PTAR1: variants seen among roughly 807,000 people sequenced by gnomAD.
PTAR1 encodes protein prenyltransferase alpha subunit repeat-containing protein 1.
Under a neutral mutation model 45.5 loss-of-function variants are expected in PTAR1, and 17 were observed. The observed-to-expected ratio is 0.37, with a 90% CI of 0.26 to 0.56. The LOEUF is 0.56. Among genes scored for constraint, PTAR1 ranks in the 20% least tolerant of loss-of-function variants. PTAR1 has a pLI of 0.77. For missense variants in PTAR1, 391 were observed against 476.3 expected (o/e 0.82, Z 1.67); for synonymous variants, 169 against 171.3 (o/e 0.99, Z 0.11).
intron 5 of PTAR1, among the ~76,000 whole-genome samples, chr9:69,726,277 A>C (rs965171108): frequency 1.3e-5 from 2 of 152,090 alleles, no homozygotes; most frequent in East Asian, 3.8e-4. Context: ...TTTTAAGAAA[A>C]ATCTGGGATA....
Position 69,718,144 on chromosome 9 carries a change from A to G in PTAR1, c.*198T>C. On this transcript the variant is annotated 3_prime_UTR_variant, in exon 8 of 8. Coordinates refer to ENST00000340434, the MANE Select transcript of PTAR1 (RefSeq NM_001099666.2). ...ACTCGCTGTTCAGCAGGAAGGAACT[A>G]TACGATTATTTTATCCCCACAGGAA... The G allele has an allele frequency of 2.0e-6, 1 of 511,030 alleles. No homozygotes were observed. The highest frequency in any genetic ancestry group is 3.5e-6 in the Non-Finnish European group (1 of 288,668). The allele number at this position is 511,030 out of a possible 1,614,324, so 31.7% of individuals were successfully genotyped here.
intron 1 of PTAR1, chr9:69,758,680 T>G: frequency 2.4e-6 from 1 of 415,268 alleles, no homozygotes. Flanking sequence ...ATCCAACGGC[T>G]TCTTAACTGT....
rs1457059974 is a variant in PTAR1, at chr9:69,712,580, A to G, written c.*5762T>C. 1 of 152,148 alleles carries G rather than the reference A, an allele frequency of 6.6e-6. No individual in the cohort carries two copies. Among genetic ancestry groups the G allele is most frequent in the African/African-American group, 2.4e-5 (1 of 41,448 alleles). The allele number at this position is 152,148 out of a possible 1,614,324, so 9.4% of individuals were successfully genotyped here. ...AGCTAGTTTTATCTTTCTAGCTTTT[A>G]TCAACTCTTGACTTGTTGAATTCCT... is the stretch of plus-strand genomic sequence containing the variant. On this transcript the variant is annotated 3_prime_UTR_variant, in exon 8 of 8. Transcript: ENST00000340434.
At position 69,713,749 on chromosome 9, in the gene PTAR1, C is replaced by T. The variant is rs940038257; in HGVS notation, c.*4593G>A. The T allele has an allele frequency of 6.6e-6, 1 of 152,064 alleles. No homozygotes were observed. Among genetic ancestry groups the T allele is most frequent in the Non-Finnish European group, 1.5e-5 (1 of 67,998 alleles). The allele number at this position is 152,064 out of a possible 1,614,324, so 9.4% of individuals were successfully genotyped here. On this transcript the variant is annotated 3_prime_UTR_variant, in exon 8 of 8. Coordinates refer to ENST00000340434, the MANE Select transcript of PTAR1 (RefSeq NM_001099666.2). Reference sequence around the variant, plus strand: ...CACCATCCTCTAAATGGGATGCCTCCAACCCCCAAAACGTTAGTTGCCAGA... The same window carrying T: ...CACCATCCTCTAAATGGGATGCCTCTAACCCCCAAAACGTTAGTTGCCAGA...
rs1824653084 is a variant in PTAR1 at position 69,714,530 on chromosome 9, G to C, written c.*3812C>G. ...ATTCCTTTTACACACACATACATGTGTGTGTGGCCCAACAAGAATAAACTG... is the reference window on the plus strand; with the variant it reads ...ATTCCTTTTACACACACATACATGTCTGTGTGGCCCAACAAGAATAAACTG... On this transcript the variant is annotated 3_prime_UTR_variant, in exon 8 of 8. Transcript: ENST00000340434. 2.0e-5 allele frequency: 3 copies of C among 152,134 alleles called. No homozygotes were observed. In the South Asian group the frequency reaches 6.2e-4, roughly 32 times the overall value. The allele number at this position is 152,134 out of a possible 1,614,324, so 9.4% of individuals were successfully genotyped here.
At chr9:69,758,871 AAAT>A (rs1046614449) in intron 1 of PTAR1, among the ~76,000 whole-genome samples, 12 of 143,566 alleles carry the variant, frequency 8.4e-5, no homozygotes, top group African/African-American at 1.8e-4. Flanking sequence ...AAAAAAAAAA[AAAT>A]AAACTCCAAA....
chr9:69,731,462 A>G (rs996374882), intron 5 of PTAR1, among the ~76,000 whole-genome samples: 2 of 152,162 alleles, frequency 1.3e-5, no homozygotes, highest in Non-Finnish European at 2.9e-5. Flanking sequence ...ATTCTGATGA[A>G]TAATAAGTGG....
intron 1 of PTAR1, among the ~76,000 whole-genome samples, chr9:69,754,526 A>G (rs999477555): frequency 2.3e-5 from 3 of 128,672 alleles, no homozygotes; most frequent in Non-Finnish European, 4.8e-5. Flanking sequence ...ATGTTTGGGT[A>G]TATATCTTTT....
At chr9:69,739,575 G>A (rs941127583) in intron 3 of PTAR1, among the ~76,000 whole-genome samples, 3 of 152,214 alleles carry the variant, frequency 2.0e-5, no homozygotes, top group African/African-American at 7.2e-5. Flanking sequence ...TTCTTTAGCA[G>A]TTTGAAAAAT....
chr9:69,746,534 G>C (rs933850612), intron 2 of PTAR1, among the ~76,000 whole-genome samples: 2 of 152,048 alleles, frequency 1.3e-5, no homozygotes, highest in African/African-American at 4.8e-5. Context: ...TCAACAATAC[G>C]CCATTTCCTC....
chr9:69,735,837 A>G (rs1825761967), intron 3 of PTAR1, among the ~76,000 whole-genome samples: 1 of 151,762 alleles, frequency 6.6e-6, no homozygotes, highest in South Asian at 2.1e-4. Flanking sequence ...TAAATACCAC[A>G]ATACATTTTC....
intron 4 of PTAR1, among the ~76,000 whole-genome samples, chr9:69,733,618 A>G (rs1287958288): frequency 2.6e-5 from 4 of 152,118 alleles, no homozygotes; most frequent in African/African-American, 4.8e-5. Flanking sequence ...GTATGTATGG[A>G]TTTTAGCAAC....
intron 4 of PTAR1, among the ~76,000 whole-genome samples, chr9:69,733,524 A>G (rs976738002): frequency 1.3e-5 from 2 of 152,164 alleles, no homozygotes. Flanking sequence ...CAAGAGGAAG[A>G]TGGTTCCAGG....
chr9:69,720,448 A>G (rs1588442822), intron 6 of PTAR1, among the ~76,000 whole-genome samples: 1 of 152,188 alleles, frequency 6.6e-6, no homozygotes, highest in East Asian at 1.9e-4. Flanking sequence ...AGATTGGATC[A>G]TGAGGTTTAA....
Position 69,732,119 on chromosome 9 carries a change from G to A in PTAR1, c.642+20C>T. On this transcript the variant is annotated intron_variant, in intron 5 of 7. Coordinates refer to ENST00000340434, the MANE Select transcript of PTAR1 (RefSeq NM_001099666.2). Reference sequence around the variant, plus strand: ...TAAGGGCAGACAGGCAGTCTGCCCAGGAGACAGTAATATTCCTACCTTGAC... The same window carrying A: ...TAAGGGCAGACAGGCAGTCTGCCCAAGAGACAGTAATATTCCTACCTTGAC... 1 of 1,575,658 alleles carries A rather than the reference G, an allele frequency of 6.3e-7. No homozygotes were observed. The highest frequency in any genetic ancestry group is 8.7e-7 in the Non-Finnish European group (1 of 1,147,368).
At chr9:69,751,148 A>AG (rs1384797669) in intron 1 of PTAR1, among the ~76,000 whole-genome samples, 198 bp from the exon 2 acceptor site, 3 of 152,150 alleles carry the variant, frequency 2.0e-5, no homozygotes, top group African/African-American at 7.2e-5. Context: ...CTCTGTAGAC[A>AG]GGAGTGAAAA....
rs997038637 is a variant in PTAR1 at position 69,712,312 on chromosome 9, G to A, written c.*6030C>T. On this transcript the variant is annotated 3_prime_UTR_variant, in exon 8 of 8. Transcript: ENST00000340434. The stretch of plus-strand genomic sequence containing the variant: ...TTTACATAACTATCTGGTTAATTTG[G>A]GCAAATGAGCACTTGTGTTTGGTTT... 1 of 152,032 alleles carries A rather than the reference G, an allele frequency of 6.6e-6. No homozygotes were observed. The highest frequency in any genetic ancestry group is 2.4e-5 in the African/African-American group (1 of 41,406). The allele number at this position is 152,032 out of a possible 1,614,324, so 9.4% of individuals were successfully genotyped here.
intron 4 of PTAR1, among the ~76,000 whole-genome samples, chr9:69,733,066 G>A (rs1175654911): frequency 1.3e-5 from 2 of 150,924 alleles, no homozygotes; most frequent in Non-Finnish European, 2.9e-5. Context: ...AAACCCAAAG[G>A]TACAGGAAAT....
rs1359648892 is a variant in PTAR1, at chr9:69,712,655, C to A, written c.*5687G>T. ...GTGTTGAACATATATGAGGTCTACA[C>A]ATAAAACAAAGGGAAACTGAAGTCT... On this transcript the variant is annotated 3_prime_UTR_variant, in exon 8 of 8. Coordinates refer to ENST00000340434, the MANE Select transcript of PTAR1 (RefSeq NM_001099666.2). 7.9e-5 allele frequency: 12 copies of A among 152,080 alleles called. No homozygotes were observed. The highest frequency in any genetic ancestry group is 7.9e-4 in the Admixed American group (12 of 15,250). The allele number at this position is 152,080 out of a possible 1,614,324, so 9.4% of individuals were successfully genotyped here. A position where few individuals can be genotyped will look rare whatever the true frequency, so the allele number is the denominator to read the frequency against.
Sources: allele counts gnomAD v4.1 joint callset (sites outside exome capture counted in the v4.1 genomes callset), GRCh38; gene constraint gnomAD v4.1.1; transcripts MANE v1.5; gene names NCBI Gene and HGNC (gene_info 2026-07-23, HGNC 2026-07-21).